ARMC9: variants seen among roughly 807,000 people sequenced by gnomAD.
ARMC9 encodes the protein lisH domain-containing protein ARMC9.
A neutral mutation model predicts 107.0 loss-of-function variants in ARMC9; 94 were observed. The observed-to-expected ratio is 0.88, with a 90% CI of 0.74 to 1.04. The LOEUF (loss-of-function observed/expected upper bound fraction) is 1.04, where lower values mean the gene tolerates loss of function less well. Ranked by LOEUF, ARMC9 falls within the 50% of genes least tolerant of loss-of-function variation. The pLI, the probability that ARMC9 is intolerant of heterozygous loss-of-function variation, is 0.00. For missense variants in ARMC9, 942 were observed against 1,030.1 expected (o/e 0.91, Z 1.17); for synonymous variants, 380 against 396.9 (o/e 0.96, Z 0.51).
intron 5 of ARMC9, among the ~76,000 whole-genome samples, chr2:231,220,623 C>T (rs1051442322): frequency 3.4e-5 from 5 of 148,236 alleles, no homozygotes; most frequent in Non-Finnish European, 6.0e-5. Flanking sequence ...AAAAAAAATT[C>T]CTTGGCTTCC....
At chr2:231,345,783 C>A (rs1050547384) in intron 21 of ARMC9, among the ~76,000 whole-genome samples, 1 of 152,190 alleles carries the variant, frequency 6.6e-6, no homozygotes, top group Non-Finnish European at 1.5e-5. Context: ...TATATTCATT[C>A]AACAAATAAT....
intron 9 of ARMC9, among the ~76,000 whole-genome samples, chr2:231,241,583 A>T (rs953829452): frequency 6.6e-6 from 1 of 152,184 alleles, no homozygotes; most frequent in African/African-American, 2.4e-5. Flanking sequence ...ACATTAATAT[A>T]GTATTAGAGT....
chr2:231,211,349 C>T lies in ARMC9; in HGVS notation c.177+3097C>T, dbSNP rs552439106. 2.6e-3 allele frequency among the ~76,000 whole-genome samples: 385 copies of T among 150,802 alleles called. 6 individuals carry two copies. The highest frequency in any genetic ancestry group is 1.7e-3 in the South Asian group (8 of 4,774). On this transcript the variant is annotated intron_variant, in intron 3 of 24. Coordinates refer to ENST00000611582, the MANE Select transcript of ARMC9 (RefSeq NM_001352754.2). The stretch of plus-strand genomic sequence containing the variant: ...CAGCCTGACCAACATGGTGAAACCC[C>T]GCCTCTACTAAAAAAAAAAAAAAAA...
intron 5 of ARMC9, among the ~76,000 whole-genome samples, chr2:231,218,537 C>T (rs998663046): frequency 2.6e-5 from 4 of 152,076 alleles, no homozygotes; most frequent in East Asian, 3.8e-4. Flanking sequence ...CTGGCAGAAT[C>T]GGGGATGGGG....
intron 19 of ARMC9, among the ~76,000 whole-genome samples, chr2:231,299,637 T>C (rs1381310798): frequency 6.6e-6 from 1 of 152,126 alleles, no homozygotes; most frequent in Non-Finnish European, 1.5e-5. Flanking sequence ...AGAAGAGCAA[T>C]AGTGGCTGAA....
chr2:231,231,773 C>T (rs1308981478), intron 7 of ARMC9, among the ~76,000 whole-genome samples: 1 of 151,924 alleles, frequency 6.6e-6, no homozygotes, highest in Non-Finnish European at 1.5e-5. Flanking sequence ...ACTGCAACCT[C>T]CTGCTCCCGG....
intron 19 of ARMC9, among the ~76,000 whole-genome samples, chr2:231,327,533 G>C (rs1393807810): frequency 2.6e-5 from 4 of 152,154 alleles, no homozygotes; most frequent in Non-Finnish European, 4.4e-5. Flanking sequence ...TTTCTGAGTA[G>C]TATTCTGTGG....
intron 20 of ARMC9, among the ~76,000 whole-genome samples, chr2:231,343,260 C>G (rs2044627670): frequency 6.6e-6 from 1 of 151,542 alleles, no homozygotes; most frequent in Non-Finnish European, 1.5e-5. Context: ...TGAGAACTGT[C>G]CCAGGGTCCA....
intron 1 of ARMC9, among the ~76,000 whole-genome samples, chr2:231,199,484 T>G (rs1049658751): frequency 3.3e-5 from 5 of 152,224 alleles, no homozygotes; most frequent in Admixed American, 6.5e-5. Flanking sequence ...TTTCAGCCGC[T>G]TAGTCACTTA....
At chr2:231,212,362 A>G (rs5018532) in intron 3 of ARMC9, among the ~76,000 whole-genome samples, 47,872 of 152,060 alleles carry the variant, frequency 0.31, 8,355 homozygotes, top group African/African-American at 0.47. Flanking sequence ...AGTTAGGAAG[A>G]ATGATAGATG....
At chr2:231,292,447 C>A (rs964231222) in intron 18 of ARMC9, among the ~76,000 whole-genome samples, 1 of 152,138 alleles carries the variant, frequency 6.6e-6, no homozygotes, top group Non-Finnish European at 1.5e-5. Flanking sequence ...TTTATTCATT[C>A]ACTGCAGAAA....
At chr2:231,270,208 A>G (rs955656569) in intron 12 of ARMC9, among the ~76,000 whole-genome samples, 7 of 152,240 alleles carry the variant, frequency 4.6e-5, no homozygotes, top group African/African-American at 1.7e-4. Context: ...TTCATTCTGC[A>G]TTTAGACACT....
intron 19 of ARMC9, 33 bp downstream of exon 19, chr2:231,296,286 AC>A (rs771425911): frequency 2.6e-6 from 4 of 1,561,260 alleles, no homozygotes; most frequent in Non-Finnish European, 2.6e-6. Flanking sequence ...CACATAGAAA[AC>A]CCATACCAAA....
intron 21 of ARMC9, among the ~76,000 whole-genome samples, chr2:231,345,966 G>T (rs888790570): frequency 6.6e-6 from 1 of 152,146 alleles, no homozygotes; most frequent in East Asian, 1.9e-4. Context: ...GTGCTGCCAC[G>T]GACACCAGGG....
intron 18 of ARMC9, chr2:231,294,352 CAG>C (rs1406793526): frequency 6.6e-6 from 1 of 152,510 alleles, no homozygotes; most frequent in Non-Finnish European, 1.5e-5. Context: ...AGAGAGACAA[CAG>C]GGGCACCAGC....
chr2:231,287,924 T>C (rs1321699643), intron 17 of ARMC9, among the ~76,000 whole-genome samples: 2 of 152,186 alleles, frequency 1.3e-5, no homozygotes, highest in Non-Finnish European at 2.9e-5. Context: ...AGGGAGTGAC[T>C]AAGAACAGAG....
At chr2:231,356,915 T>C (rs1417623413) in intron 22 of ARMC9, among the ~76,000 whole-genome samples, 2 of 152,178 alleles carry the variant, frequency 1.3e-5, no homozygotes, top group African/African-American at 2.4e-5. Context: ...TTCAAGTTCT[T>C]AGGCCTGGAC....
In ARMC9 at chr2:231,364,308, G is replaced by C. The variant is rs528426732; in HGVS notation, c.2261+3425G>C. 3.9e-5 allele frequency among the ~76,000 whole-genome samples: 6 copies of C among 152,376 alleles called. No individual in the cohort carries two copies. The East Asian group carries it at 1.2e-3, about 29-fold the overall frequency. On this transcript the variant is annotated intron_variant, in intron 23 of 24. Coordinates refer to ENST00000611582, the MANE Select transcript of ARMC9 (RefSeq NM_001352754.2). Reference sequence around the variant, plus strand: ...TGAGGGAGGTGGCTCTGTCTGAGGAGCTCCTCGCACTCAGGCCCAGGACAG... The same window carrying C: ...TGAGGGAGGTGGCTCTGTCTGAGGACCTCCTCGCACTCAGGCCCAGGACAG...
intron 19 of ARMC9, among the ~76,000 whole-genome samples, chr2:231,330,689 G>A (rs1052038319): frequency 6.6e-6 from 1 of 152,198 alleles, no homozygotes; most frequent in African/African-American, 2.4e-5. Context: ...GGGCTCCTGA[G>A]GCCCTTGCTG....
Sources: allele counts gnomAD v4.1 joint callset (sites outside exome capture counted in the v4.1 genomes callset), GRCh38; gene constraint gnomAD v4.1.1; transcripts MANE v1.5; gene names NCBI Gene and HGNC (gene_info 2026-07-23, HGNC 2026-07-21).